NUP85: variants seen among roughly 807,000 people sequenced by gnomAD.
The protein encoded by NUP85 is nucleoporin 85, also known as nuclear pore complex protein Nup85.
In NUP85, 23 loss-of-function variants were observed where a neutral mutation model predicts 92.8. The observed-to-expected ratio is 0.25, with a 90% confidence interval of 0.18 to 0.35. NUP85 has a LOEUF of 0.35. Among genes scored for constraint, NUP85 ranks in the 10% least tolerant of loss-of-function variants. The pLI is 1.00. For missense variants in NUP85, 759 were observed against 822.8 expected (o/e 0.92, Z 0.95); for synonymous variants, 314 against 306.9 (o/e 1.02, Z -0.24).
chr17:75,216,920 T>G (rs961356353), intron 6 of NUP85, among the ~76,000 whole-genome samples: 1 of 152,174 alleles, frequency 6.6e-6, no homozygotes, highest in Admixed American at 6.6e-5. Flanking sequence ...AAGTTCTCAC[T>G]CTGTCACTTA....
intron 1 of NUP85, among the ~76,000 whole-genome samples, chr17:75,207,937 T>C (rs11653490): frequency 0.91 from 138,842 of 151,912 alleles, 64,431 homozygotes; most frequent in Non-Finnish European, 1. Flanking sequence ...TTGCAGTGAG[T>C]CGAGATTGCG....
Position 75,235,597 on chromosome 17 carries a change from C to T in NUP85, c.1889C>T (p.Thr630Ile). The T allele has an allele frequency of 1.2e-6, 2 of 1,613,986 alleles. No individual in the cohort carries two copies. The highest frequency in any genetic ancestry group is 1.7e-6 in the Non-Finnish European group (2 of 1,179,882). The change falls in exon 19 of 19, where the codon ACC becomes ATC. Residue 630 changes from threonine (T) to isoleucine (I), a missense_variant. Transcript: ENST00000245544. ...TTGCAGGATGATGACATAGAGACCA[C>T]CAAGGTGGAAATGCTGAGACTTTCT... Reference protein sequence around the residue: ...EQLQDDDIETTKVEMLRLSLA... With the variant: ...EQLQDDDIETIKVEMLRLSLA...
At position 75,211,691 on chromosome 17, in the gene NUP85, C is replaced by T. The variant is rs1339681144; in HGVS notation, c.291-301C>T. Among the ~76,000 whole-genome samples, 7 of 152,172 alleles carry T rather than the reference C, an allele frequency of 4.6e-5. No homozygotes were observed. The East Asian group carries it at 1.3e-3, about 29-fold the overall frequency. The stretch of plus-strand genomic sequence containing the variant: ...GGATTACACGCCTGAGCCACCGGGC[C>T]TGGCCAGTAAATACATTTATGTATC... On this transcript the variant is annotated intron_variant, in intron 3 of 18. Coordinates refer to ENST00000245544, the MANE Select transcript of NUP85 (RefSeq NM_024844.5).
In NUP85 at chr17:75,232,840, C is replaced by A. The variant is rs1238556508; in HGVS notation, c.1397-11C>A. 7 of 1,612,080 alleles carry A rather than the reference C, an allele frequency of 4.3e-6. No individual in the cohort carries two copies. Among genetic ancestry groups the A allele is most frequent in the Non-Finnish European group, 5.9e-6 (7 of 1,178,360 alleles). ...GTGAAAGCCGTTTACCTTTTCTTTT[C>A]CCCTGCAAAGTTCGCAGCATTTGTA... On this transcript the variant is annotated splice_polypyrimidine_tract_variant and intron_variant, in intron 14 of 18. Transcript: ENST00000245544.
At position 75,231,736 on chromosome 17, in the gene NUP85, G is replaced by T; in HGVS notation, c.1245-92G>T. Reference sequence around the variant, plus strand: ...TTCTCTCCCAGTTGGCTCCTTGAAGGCTTCGGAAGGGTCAGTGAAAGGGAG... The same window carrying T: ...TTCTCTCCCAGTTGGCTCCTTGAAGTCTTCGGAAGGGTCAGTGAAAGGGAG... On this transcript the variant is annotated intron_variant, in intron 13 of 18. Coordinates refer to ENST00000245544, the MANE Select transcript of NUP85 (RefSeq NM_024844.5). The surrounding 1 kb of genome is among the most constrained non-coding windows in gnomAD (Gnocchi z 4.6). The T allele has an allele frequency of 6.2e-7, 1 of 1,605,918 alleles. No homozygotes were observed. The highest frequency in any genetic ancestry group is 1.1e-5 in the South Asian group (1 of 90,786).
intron 1 of NUP85, 76 bp downstream of exon 1, chr17:75,205,870 T>G: frequency 6.5e-7 from 1 of 1,543,342 alleles, no homozygotes; most frequent in African/African-American, 1.4e-5. Context: ...CAGGCTTGTC[T>G]GCTTCCCTAG....
Position 75,225,322 on chromosome 17 carries a change from A to G in NUP85, c.733-20A>G. The G allele has an allele frequency of 1.2e-6, 2 of 1,614,108 alleles. No homozygotes were observed. The highest frequency in any genetic ancestry group is 1.7e-6 in the Non-Finnish European group (2 of 1,179,980). On this transcript the variant is annotated intron_variant, in intron 8 of 18. Coordinates refer to ENST00000245544, the MANE Select transcript of NUP85 (RefSeq NM_024844.5). Reference sequence around the variant, plus strand: ...AAGGGTGTGGATGGGATGACGTCTCATGGCTGGTCTCTCCCTTAGCCCGGG... The same window carrying G: ...AAGGGTGTGGATGGGATGACGTCTCGTGGCTGGTCTCTCCCTTAGCCCGGG...
At position 75,209,834 on chromosome 17, in the gene NUP85, A is replaced by G. The variant is rs543033222; in HGVS notation, c.139A>G (p.Met47Val). Residue 47 changes from methionine to valine, a missense_variant, in exon 3 of 19, where the codon ATG becomes GTG. Physicochemically the swap from Met to Val is conservative, Grantham distance 21. Transcript: ENST00000245544. ...TSFNKKEKSEMVPSCPFIYII... is the reference protein window; with the variant it reads ...TSFNKKEKSEVVPSCPFIYII... ...CTGTTTGGTTTCAGAAAAATCAGAG[A>G]TGGTGCCAAGTTGCCCCTTTATCTA... 5 of 1,577,240 alleles carry G rather than the reference A, an allele frequency of 3.2e-6. No homozygotes were observed. In the African/African-American group the frequency reaches 7.0e-5, roughly 22 times the overall value.
chr17:75,223,763 TTTATA>T (rs1311160127), intron 7 of NUP85, among the ~76,000 whole-genome samples: 1 of 152,166 alleles, frequency 6.6e-6, no homozygotes, highest in Non-Finnish European at 1.5e-5. Flanking sequence ...ATTCTGATAT[TTTATA>T]TTATTTCATT....
At chr17:75,225,546 G>T in intron 9 of NUP85, 82 bp downstream of exon 9, 1 of 1,579,466 alleles carries the variant, frequency 6.3e-7, no homozygotes, top group Non-Finnish European at 8.6e-7. Flanking sequence ...CAGGAGCTTG[G>T]TCCTCCTTGG....
chr17:75,218,357 T>C (rs1293272517), intron 7 of NUP85, 51 bp downstream of exon 7: 1 of 1,606,886 alleles, frequency 6.2e-7, no homozygotes, highest in Non-Finnish European at 8.5e-7. Flanking sequence ...CTGTCCCTGG[T>C]GCTGCCGGGT....
At chr17:75,217,516 G>GTT (rs2075468257) in intron 6 of NUP85, among the ~76,000 whole-genome samples, 1 of 151,840 alleles carries the variant, frequency 6.6e-6, no homozygotes, top group Non-Finnish European at 1.5e-5. Context: ...GTTTTGTTTT[G>GTT]TTTTGTTTTT....
Position 75,231,140 on chromosome 17 carries a change from GC to G in NUP85, c.1095-199del. On this transcript the variant is annotated intron_variant, in intron 11 of 18. Transcript: ENST00000245544. This position sits in a 1 kb window ranked among gnomAD's most constrained non-coding sequence, Gnocchi z 4.6. Reference sequence around the variant, plus strand: ...GATGGGGTTTTGCCATGTTGCCCAGGCTGGTCTTAAATTCCTGGACTCAGGT... The same window carrying G: ...GATGGGGTTTTGCCATGTTGCCCAGGTGGTCTTAAATTCCTGGACTCAGGT... 1.7e-6 allele frequency: 1 copy of G among 584,318 alleles called. No individual in the cohort carries two copies. The highest frequency in any genetic ancestry group is 3.1e-6 in the Non-Finnish European group (1 of 324,854). 36.2% of individuals were successfully genotyped at this position (584,318 alleles called of 1,614,324 possible).
intron 18 of NUP85, 80 bp from the exon 19 acceptor site, chr17:75,235,497 CT>C (rs780701547): frequency 5.1e-6 from 5 of 978,774 alleles, no homozygotes; most frequent in Non-Finnish European, 7.9e-6. Flanking sequence ...TGCCCTCTAC[CT>C]TTGGATTAGC....
chr17:75,233,660 G>A (rs1236296856), intron 16 of NUP85, among the ~76,000 whole-genome samples: 61 of 151,268 alleles, frequency 4.0e-4, no homozygotes, highest in African/African-American at 5.6e-4. Flanking sequence ...GTGCAGTGGC[G>A]TGATCTCGGC....
In NUP85 at chr17:75,212,050, C is replaced by T. The variant is rs748282215; in HGVS notation, c.349C>T (p.His117Tyr). The T allele has an allele frequency of 1.9e-6, 3 of 1,612,434 alleles. No homozygotes were observed. The African/African-American group carries it at 4.0e-5, about 22-fold the overall frequency. Residue 117 changes from histidine to tyrosine, a missense_variant, in exon 4 of 19, where the codon CAC becomes TAC. By Grantham distance (83) the His-to-Tyr change is moderately conservative (BLOSUM62 2). Transcript: ENST00000245544. ...SVIRACMEEM[H>Y]QVAIAAKDPA... ...CATCAGAGCATGTATGGAGGAAATG[C>T]ACCAGGTTGCAAGTAAGGACTGTGT...
chr17:75,230,792 T>C (rs2076023485), intron 11 of NUP85, among the ~76,000 whole-genome samples: 1 of 152,160 alleles, frequency 6.6e-6, no homozygotes. Context: ...TGGTAGCGCA[T>C]GCCTGTAATC....
Position 75,231,560 on chromosome 17 carries a change from T to C in NUP85, c.1179-13T>C, listed in dbSNP as rs373359585. 1.3e-5 allele frequency: 21 copies of C among 1,614,064 alleles called. No homozygotes were observed. In the East Asian group the frequency reaches 2.2e-4, roughly 17 times the overall value. ...GGCCAGGAGTCTTGGTCTTTTGTTA[T>C]GTTTTATTCCAGTTTCGGTTCCAAC... is the stretch of plus-strand genomic sequence containing the variant. On this transcript the variant is annotated splice_polypyrimidine_tract_variant and intron_variant, in intron 12 of 18. Coordinates refer to ENST00000245544, the MANE Select transcript of NUP85 (RefSeq NM_024844.5). The surrounding 1 kb of genome is among the most constrained non-coding windows in gnomAD (Gnocchi z 4.6).
In NUP85 at chr17:75,205,715, G is replaced by A. The variant is rs745863338; in HGVS notation, c.-47G>A. On this transcript the variant is annotated 5_prime_UTR_variant, in exon 1 of 19. Transcript: ENST00000245544. The stretch of plus-strand genomic sequence containing the variant: ...AGCTCTGAGCGGGAGGCCTGAGCGG[G>A]AAGCATTGGCGTCCGAGCGACTTCT... 6.2e-7 allele frequency: 1 copy of A among 1,613,228 alleles called. No homozygotes were observed.
Sources: gnomAD v4.1 joint callset for allele counts (sites outside exome capture counted in the v4.1 genomes callset) on GRCh38, gnomAD v4.1.1 for gene constraint, Gnocchi (gnomAD v3.1) non-coding constraint, MANE v1.5 for transcripts, NCBI Gene and HGNC (gene_info 2026-07-23, HGNC 2026-07-21) for gene names.